The following CTNND2 variants were observed in gnomAD, a reference collection of about 807,000 sequenced individuals.
CTNND2 encodes the protein catenin delta-2.
In CTNND2, 22 loss-of-function variants were observed where a neutral mutation model predicts 144.4. The observed-to-expected ratio is 0.15, with a 90% CI of 0.11 to 0.22. The LOEUF (loss-of-function observed/expected upper bound fraction) is 0.22, where lower values mean the gene tolerates loss of function less well. Ranked by LOEUF, CTNND2 falls within the 10% of genes least tolerant of loss-of-function variation. CTNND2 has a pLI of 1.00. For missense variants in CTNND2, 1,353 were observed against 1,618.8 expected (o/e 0.84, Z 2.82); for synonymous variants, 751 against 695.6 (o/e 1.08, Z -1.25).
intron 2 of CTNND2, among the ~76,000 whole-genome samples, chr5:11,679,749 C>A (rs993162711): frequency 5.3e-5 from 8 of 152,152 alleles, no homozygotes; most frequent in South Asian, 4.1e-4. Flanking sequence ...TGAATTCAAC[C>A]AAAGAGTACA....
At chr5:11,867,510 G>A (rs1795827722) in intron 1 of CTNND2, among the ~76,000 whole-genome samples, 1 of 152,122 alleles carries the variant, frequency 6.6e-6, no homozygotes, top group African/African-American at 2.4e-5. Context: ...CAGTCACATT[G>A]GCAGAAAATC....
chr5:11,714,840 C>T (rs1341100621), intron 2 of CTNND2, among the ~76,000 whole-genome samples: 2 of 149,104 alleles, frequency 1.3e-5, no homozygotes, highest in African/African-American at 5.0e-5. Context: ...ACCCGGGAGG[C>T]GAACAGAGCT....
intron 14 of CTNND2, among the ~76,000 whole-genome samples, chr5:11,101,370 G>C (rs1277779871): frequency 6.6e-6 from 1 of 152,186 alleles, no homozygotes; most frequent in Non-Finnish European, 1.5e-5. Flanking sequence ...CAAGGTAGTA[G>C]GGCAATGGTG....
At chr5:11,395,335 G>A (rs1418328863) in intron 6 of CTNND2, among the ~76,000 whole-genome samples, 2 of 152,154 alleles carry the variant, frequency 1.3e-5, no homozygotes, top group East Asian at 3.9e-4. Flanking sequence ...TTAAATAAAT[G>A]AGAATTCAGA....
chr5:11,181,123 G>A (rs1760953227), intron 11 of CTNND2, among the ~76,000 whole-genome samples: 1 of 152,184 alleles, frequency 6.6e-6, no homozygotes, highest in African/African-American at 2.4e-5. Context: ...ACCAGGAGCA[G>A]GGTGCAGTGG....
chr5:11,823,090 T>C (rs1793404115), intron 1 of CTNND2, among the ~76,000 whole-genome samples: 2 of 152,370 alleles, frequency 1.3e-5, no homozygotes, highest in South Asian at 4.1e-4. Flanking sequence ...CTTGAATCCA[T>C]ATTCAGTGCA....
chr5:11,593,050 T>G (rs1278126356), intron 2 of CTNND2, among the ~76,000 whole-genome samples: 2 of 151,688 alleles, frequency 1.3e-5, no homozygotes, highest in Admixed American at 1.3e-4. Context: ...TGACCCCAGT[T>G]GCGAAAAAAT....
chr5:11,558,506 C>T (rs544019067), intron 3 of CTNND2, among the ~76,000 whole-genome samples: 1 of 152,160 alleles, frequency 6.6e-6, no homozygotes, highest in African/African-American at 2.4e-5. Flanking sequence ...GCTGGAACTA[C>T]AGGAGAGCAT....
intron 12 of CTNND2, among the ~76,000 whole-genome samples, chr5:11,130,740 T>A (rs1365122436): frequency 6.6e-6 from 1 of 152,258 alleles, no homozygotes; most frequent in East Asian, 1.9e-4. Flanking sequence ...AGGCATTGAT[T>A]TTTTCATGAC....
chr5:11,039,323 T>C (rs1482618587), intron 16 of CTNND2, among the ~76,000 whole-genome samples: 1 of 152,240 alleles, frequency 6.6e-6, no homozygotes, highest in Non-Finnish European at 1.5e-5. Flanking sequence ...GTTTTAAATG[T>C]AGACGGCTGG....
chr5:11,182,017 G>A (rs1735084305), intron 11 of CTNND2, among the ~76,000 whole-genome samples: 1 of 44,050 alleles, frequency 2.3e-5, no homozygotes, highest in Non-Finnish European at 4.4e-5. Context: ...GGGTGTGTGT[G>A]GCGTGTGTGA....
intron 18 of CTNND2, among the ~76,000 whole-genome samples, chr5:10,996,368 TGAG>T (rs1739346424): frequency 6.7e-6 from 1 of 149,862 alleles, no homozygotes; most frequent in South Asian, 2.1e-4. Context: ...GGGGTTTTCT[TGAG>T]GGAGGGGAGC....
At chr5:11,038,815 T>A (rs1268960246) in intron 16 of CTNND2, among the ~76,000 whole-genome samples, 1 of 152,214 alleles carries the variant, frequency 6.6e-6, no homozygotes, top group Non-Finnish European at 1.5e-5. Flanking sequence ...TGTGAATGAA[T>A]CAACACTGCT....
At chr5:11,632,471 A>C (rs1781459682) in intron 2 of CTNND2, among the ~76,000 whole-genome samples, 1 of 152,166 alleles carries the variant, frequency 6.6e-6, no homozygotes, top group Admixed American at 6.5e-5. Context: ...TAAATAAACA[A>C]CAGAAACAAC....
chr5:11,345,263 C>CACTGAACAT (rs1289477976), intron 9 of CTNND2, among the ~76,000 whole-genome samples: 1 of 152,134 alleles, frequency 6.6e-6, no homozygotes, highest in Non-Finnish European at 1.5e-5. Flanking sequence ...ATAACCAGTA[C>CACTGAACAT]ACTGAACATA....
intron 11 of CTNND2, among the ~76,000 whole-genome samples, chr5:11,161,164 G>C (rs540114401): frequency 1.3e-5 from 2 of 152,122 alleles, no homozygotes; most frequent in Admixed American, 1.3e-4. Flanking sequence ...AGCCATGTCG[G>C]TTCATTTCTA....
intron 18 of CTNND2, among the ~76,000 whole-genome samples, chr5:11,002,988 G>C (rs181526483): frequency 6.6e-6 from 1 of 152,284 alleles, no homozygotes; most frequent in Admixed American, 6.5e-5. Flanking sequence ...CTAGGACACT[G>C]TTGGCCTATG....
At chr5:10,995,074 G>A (rs778167537) in intron 18 of CTNND2, among the ~76,000 whole-genome samples, 1 of 152,200 alleles carries the variant, frequency 6.6e-6, no homozygotes, top group African/African-American at 2.4e-5. Flanking sequence ...GGTTACCGAA[G>A]AGGGACAGAG....
chr5:11,238,649 A>G (rs1741889791), intron 9 of CTNND2, among the ~76,000 whole-genome samples: 1 of 152,234 alleles, frequency 6.6e-6, no homozygotes, highest in Admixed American at 6.5e-5. Context: ...ATGTGCACTG[A>G]GCATTTTATA....
Sources: gnomAD v4.1 joint callset for allele counts (sites outside exome capture counted in the v4.1 genomes callset) on GRCh38, gnomAD v4.1.1 for gene constraint, MANE v1.5 for transcripts, NCBI Gene and HGNC (gene_info 2026-07-23, HGNC 2026-07-21) for gene names.